PKP2: variants seen among roughly 807,000 people sequenced by gnomAD.
The protein encoded by PKP2 is plakophilin-2.
Under a neutral mutation model 83.4 loss-of-function variants are expected in PKP2, and 73 were observed. The ratio of observed to expected loss-of-function variants is 0.88; its 90% CI spans 0.72 to 1.06. The LOEUF (loss-of-function observed/expected upper bound fraction) is 1.06, where lower values mean the gene tolerates loss of function less well. Among genes scored for constraint, PKP2 ranks in the 50% least tolerant of loss-of-function variants. PKP2 has a pLI of 0.00. For synonymous variants in PKP2, 409 were observed against 430.4 expected, an observed-to-expected ratio of 0.95 and a Z score of 0.62; for missense variants, 966 against 1,065.4, an observed-to-expected ratio of 0.91 and a Z score of 1.30.
At chr12:32,860,619 C>T (rs1592754815) in intron 4 of PKP2, among the ~76,000 whole-genome samples, 2 of 152,266 alleles carry the variant, frequency 1.3e-5, no homozygotes, top group South Asian at 4.1e-4. Flanking sequence ...GCACGCGGGG[C>T]TTAAAACCTA....
chr12:32,874,969 A>T (rs1448288829), intron 3 of PKP2, among the ~76,000 whole-genome samples: 2 of 152,086 alleles, frequency 1.3e-5, no homozygotes, highest in Non-Finnish European at 2.9e-5. Context: ...AGCTGGTCTC[A>T]AACTCCTGGG....
At chr12:32,857,534 AT>A (rs990097766) in intron 4 of PKP2, among the ~76,000 whole-genome samples, 44 of 152,314 alleles carry the variant, frequency 2.9e-4, no homozygotes, top group Admixed American at 2.7e-3. Flanking sequence ...TAAAAGTATT[AT>A]GATTTAAAAT....
chr12:32,800,047 T>C (rs1315966479), intron 10 of PKP2, among the ~76,000 whole-genome samples: 1 of 150,636 alleles, frequency 6.6e-6, no homozygotes, highest in Admixed American at 6.6e-5. Flanking sequence ...CATGTATGTT[T>C]TCCTCTTTTT....
intron 5 of PKP2, among the ~76,000 whole-genome samples, chr12:32,841,751 T>C (rs1176844162): frequency 6.6e-6 from 1 of 152,196 alleles, no homozygotes; most frequent in African/African-American, 2.4e-5. Flanking sequence ...TCCATGCCTG[T>C]CAACAGGAAG....
At chr12:32,821,578 C>A (rs1258712588) in intron 8 of PKP2, 49 bp from the exon 9 acceptor site, 19 of 1,576,640 alleles carry the variant, frequency 1.2e-5, no homozygotes, top group Non-Finnish European at 1.6e-5. Flanking sequence ...CAGGTGATGG[C>A]TATAATTTCA....
chr12:32,852,880 G>C (rs1331828700), intron 4 of PKP2, among the ~76,000 whole-genome samples: 2 of 152,098 alleles, frequency 1.3e-5, no homozygotes, highest in Non-Finnish European at 2.9e-5. Context: ...TCAGGAGTTC[G>C]AGACCAGCCT....
Position 32,796,276 on chromosome 12 carries a change from C to T in PKP2, c.2190G>A (p.Leu730=), listed in dbSNP as rs886049320. The change falls in exon 11 of 13, where the codon TTG becomes TTA. Residue 730 remains leucine, a synonymous_variant. Coordinates refer to ENST00000340811, the MANE Select transcript of PKP2 (RefSeq NM_001005242.3). ...GGACTGTGTCAGGAATGATGGAAAC[C>T]AAATCAGGGAGAGTTTCTTTGGCTA... ...NEIAKETLPD[L]VSIIPDTVPS... is the part of the protein sequence containing the mutation. 2.5e-6 allele frequency: 4 copies of T among 1,606,424 alleles called. No homozygotes were observed. Among genetic ancestry groups the T allele is most frequent in the South Asian group, 1.1e-5 (1 of 90,724 alleles).
intron 1 of PKP2, among the ~76,000 whole-genome samples, chr12:32,891,504 AT>A (rs1248840564): frequency 6.6e-6 from 1 of 152,220 alleles, no homozygotes; most frequent in Admixed American, 6.5e-5. Context: ...GTATAGGCTT[AT>A]TTTAATAAAT....
At chr12:32,809,008 A>C (rs1226316262) in intron 9 of PKP2, among the ~76,000 whole-genome samples, 1 of 152,132 alleles carries the variant, frequency 6.6e-6, no homozygotes, top group African/African-American at 2.4e-5. Flanking sequence ...GGAGGAACAG[A>C]ATTAGGGACC....
intron 4 of PKP2, among the ~76,000 whole-genome samples, chr12:32,864,953 T>C (rs1308679754): frequency 6.6e-6 from 1 of 152,200 alleles, no homozygotes; most frequent in Admixed American, 6.5e-5. Context: ...GTGGTTGACT[T>C]GAGTCATATT....
At chr12:32,853,249 A>G (rs1411623188) in intron 4 of PKP2, among the ~76,000 whole-genome samples, 1 of 152,166 alleles carries the variant, frequency 6.6e-6, no homozygotes, top group East Asian at 1.9e-4. Flanking sequence ...CAAGGGAGTA[A>G]TTCAGATCTT....
chr12:32,812,982 G>A (rs4931044), intron 9 of PKP2, among the ~76,000 whole-genome samples: 105,771 of 151,582 alleles, frequency 0.7, 38,696 homozygotes, highest in East Asian at 0.86. Flanking sequence ...GGGCACAGTC[G>A]GTCTGAAGAA....
intron 3 of PKP2, among the ~76,000 whole-genome samples, chr12:32,873,086 G>T (rs889606089): frequency 4.6e-5 from 7 of 152,236 alleles, no homozygotes; most frequent in African/African-American, 1.4e-4. Flanking sequence ...CCCAGAGCAC[G>T]ATGCTCTTGT....
intron 6 of PKP2, among the ~76,000 whole-genome samples, chr12:32,830,904 T>TAA (rs35463895): frequency 1.4e-5 from 2 of 145,462 alleles, no homozygotes; most frequent in Non-Finnish European, 3.0e-5. Context: ...AGACTGCATC[T>TAA]AAAAAAAAAA....
chr12:32,820,007 G>A (rs1242242626), intron 9 of PKP2: 4 of 152,034 alleles, frequency 2.6e-5, no homozygotes, highest in African/African-American at 7.3e-5. Flanking sequence ...GGGGAATAAC[G>A]TGATTCATTA....
chr12:32,792,862 C>T (rs568625500), intron 11 of PKP2, 131 bp from the exon 12 acceptor site: 1 of 743,300 alleles, frequency 1.3e-6, no homozygotes, highest in African/African-American at 1.7e-5. Context: ...AGTCAGGCCA[C>T]TCGGTGACCA....
intron 6 of PKP2, among the ~76,000 whole-genome samples, chr12:32,838,369 A>G (rs569003321): frequency 8.5e-5 from 13 of 152,090 alleles, no homozygotes; most frequent in Admixed American, 3.3e-4. Flanking sequence ...AAATCCATCT[A>G]TTGGGTACTA....
At chr12:32,860,316 A>T (rs1452059583) in intron 4 of PKP2, among the ~76,000 whole-genome samples, 5 of 152,224 alleles carry the variant, frequency 3.3e-5, no homozygotes, top group African/African-American at 9.6e-5. Flanking sequence ...AGTATTAATT[A>T]GTACATGTGG....
chr12:32,826,305 CAAAAA>C (rs71068338), intron 6 of PKP2, among the ~76,000 whole-genome samples: 2 of 84,676 alleles, frequency 2.4e-5, no homozygotes, highest in Non-Finnish European at 2.3e-5. Context: ...GACACCGTCT[CAAAAA>C]AAAAAAAAAA....
Sources: gnomAD v4.1 joint callset for allele counts (sites outside exome capture counted in the v4.1 genomes callset) on GRCh38, gnomAD v4.1.1 for gene constraint, MANE v1.5 for transcripts, NCBI Gene and HGNC (gene_info 2026-07-23, HGNC 2026-07-21) for gene names.